The following CLEC16A variants were observed in gnomAD, a reference collection of about 807,000 sequenced individuals.
The protein encoded by CLEC16A is protein CLEC16A.
CLEC16A carries 51 observed loss-of-function variants against 109.5 expected under a neutral mutation model. The observed-to-expected ratio is 0.47, with a 90% CI of 0.37 to 0.59. The LOEUF is 0.59. Among genes scored for constraint, CLEC16A ranks in the 20% least tolerant of loss-of-function variants. The pLI is 0.00. For synonymous variants in CLEC16A, 673 were observed against 564.2 expected, an observed-to-expected ratio of 1.19 and a Z score of -2.73; for missense variants, 1,339 against 1,394.0, an observed-to-expected ratio of 0.96 and a Z score of 0.63.
intron 19 of CLEC16A, among the ~76,000 whole-genome samples, chr16:11,089,054 A>G (rs2050164447): frequency 6.6e-6 from 1 of 151,876 alleles, no homozygotes; most frequent in Admixed American, 6.6e-5. Context: ...GGGGAGGGGG[A>G]GGGTGTCCTT....
rs762674209 is a variant in CLEC16A at position 11,020,248 on chromosome 16, C to T, written c.1359C>T (p.Thr453=). The T allele has an allele frequency of 2.5e-6, 4 of 1,613,704 alleles. No individual in the cohort carries two copies. The highest frequency in any genetic ancestry group is 1.7e-5 in the Admixed American group (1 of 59,992). The change falls in exon 12 of 24, where the codon ACC becomes ACT. Residue 453 remains threonine, a synonymous_variant. Transcript: ENST00000409790. ...AGCTCTCAGAGCTGGCCGCCAGCACCTCCGTGCAGGAGCAGAACACCACGG... is the reference window on the plus strand; with the variant it reads ...AGCTCTCAGAGCTGGCCGCCAGCACTTCCGTGCAGGAGCAGAACACCACGG... The part of the protein sequence containing the change: ...RSKLSELAAS[T]SVQEQNTTDE...
intron 23 of CLEC16A, among the ~76,000 whole-genome samples, chr16:11,176,785 T>C (rs1308793630): frequency 6.6e-6 from 1 of 152,194 alleles, no homozygotes; most frequent in Non-Finnish European, 1.5e-5. Flanking sequence ...AGAGTTCATC[T>C]TGCCCAGAGT....
At chr16:11,021,945 G>T (rs531525580) in intron 12 of CLEC16A, among the ~76,000 whole-genome samples, 1 of 152,054 alleles carries the variant, frequency 6.6e-6, no homozygotes, top group Non-Finnish European at 1.5e-5. Context: ...TATTTCTCCC[G>T]CCACCAAAAA....
At chr16:11,105,378 C>G (rs1384323073) in intron 19 of CLEC16A, among the ~76,000 whole-genome samples, 2 of 152,218 alleles carry the variant, frequency 1.3e-5, no homozygotes, top group East Asian at 1.9e-4. Context: ...TTGCAAGTTG[C>G]TCATCCTTAA....
chr16:11,070,945 T>C (rs2049038540), intron 19 of CLEC16A: 1 of 152,266 alleles, frequency 6.6e-6, no homozygotes, highest in Non-Finnish European at 1.5e-5. Flanking sequence ...GCCCTGTTTG[T>C]TTATTCTTCA....
At position 11,181,260 on chromosome 16, in the gene CLEC16A, G is replaced by GCCAGT. The variant is rs2068948495; in HGVS notation, c.*2575_*2579dup. On this transcript the variant is annotated 3_prime_UTR_variant, in exon 24 of 24. Coordinates refer to ENST00000409790, the MANE Select transcript of CLEC16A (RefSeq NM_015226.3). ...TCATAGCTGGGGCGCTCCCAGACAG[G>GCCAGT]CCAGTCCAGACAGGACACGCTGGGC... is the stretch of plus-strand genomic sequence containing the variant. 6.6e-6 allele frequency: 1 copy of GCCAGT among 152,132 alleles called. No homozygotes were observed. Among genetic ancestry groups the GCCAGT allele is most frequent in the Admixed American group, 6.5e-5 (1 of 15,288 alleles). 9.4% of individuals were successfully genotyped at this position (152,132 alleles called of 1,614,324 possible).
At position 10,944,636 on chromosome 16, in the gene CLEC16A, T is replaced by C; in HGVS notation, c.-82T>C. ...CCGCCTCCGCCGCCGCATCCTCCGC[T>C]TGTGCTACCGCCGCGGGCGCTGGGC... On this transcript the variant is annotated 5_prime_UTR_variant, in exon 1 of 24. Coordinates refer to ENST00000409790, the MANE Select transcript of CLEC16A (RefSeq NM_015226.3). 7.4e-7 allele frequency: 1 copy of C among 1,359,490 alleles called. No homozygotes were observed. The highest frequency in any genetic ancestry group is 1.3e-5 in the South Asian group (1 of 77,660). The allele number at this position is 1,359,490 out of a possible 1,614,324, so 84.2% of individuals were successfully genotyped here.
rs1185713570 is a variant in CLEC16A at position 11,136,035 on chromosome 16, T to C, written c.2641+9889T>C. 3 of 152,296 alleles carry C rather than the reference T, an allele frequency of 2.0e-5. No homozygotes were observed. The East Asian group carries it at 5.8e-4, about 29-fold the overall frequency. 9.4% of individuals were successfully genotyped at this position (152,296 alleles called of 1,614,324 possible). A position where few individuals can be genotyped will look rare whatever the true frequency, so the allele number is the denominator to read the frequency against. On this transcript the variant is annotated intron_variant, in intron 22 of 23. Coordinates refer to ENST00000409790, the MANE Select transcript of CLEC16A (RefSeq NM_015226.3). Reference sequence around the variant, plus strand: ...CCAGCATCCTTTTTTTCATTGTTTTTCCTGTTCATTCACAATGGGGTTTCT... The same window carrying C: ...CCAGCATCCTTTTTTTCATTGTTTTCCCTGTTCATTCACAATGGGGTTTCT...
chr16:11,146,121 A>G (rs12917893), intron 22 of CLEC16A, among the ~76,000 whole-genome samples: 1 of 151,882 alleles, frequency 6.6e-6, no homozygotes, highest in African/African-American at 2.4e-5. Flanking sequence ...CCTTCAGATC[A>G]TTCTTCAGAC....
At chr16:11,172,043 C>T (rs1033140012) in intron 23 of CLEC16A, among the ~76,000 whole-genome samples, 26 of 151,756 alleles carry the variant, frequency 1.7e-4, no homozygotes, top group African/African-American at 6.0e-4. Context: ...TAGTCACACT[C>T]CCACACACAT....
At chr16:11,066,525 T>C (rs2048767976) in intron 19 of CLEC16A, 1 of 152,424 alleles carries the variant, frequency 6.6e-6, no homozygotes, top group African/African-American at 2.4e-5. Flanking sequence ...TCAGCCAGGA[T>C]GTCCGGTGGG....
At chr16:11,158,519 TCTAA>T (rs1449455989) in intron 22 of CLEC16A, among the ~76,000 whole-genome samples, 2 of 152,166 alleles carry the variant, frequency 1.3e-5, no homozygotes, top group Non-Finnish European at 1.5e-5. Context: ...TTGACACACC[TCTAA>T]CTGAGATTTA....
intron 23 of CLEC16A, among the ~76,000 whole-genome samples, chr16:11,176,399 A>ATCTC (rs147056708): frequency 6.0e-5 from 9 of 150,444 alleles, no homozygotes; most frequent in South Asian, 2.1e-4. Flanking sequence ...TTTCCTCTAG[A>ATCTC]TCTCTCTCTC....
At chr16:11,136,235 G>A (rs2053553456) in intron 22 of CLEC16A, 1 of 152,234 alleles carries the variant, frequency 6.6e-6, no homozygotes. Flanking sequence ...ATAAGAAACA[G>A]GGATGATGCT....
In CLEC16A at chr16:10,944,817, C is replaced by T. The variant is rs767385353; in HGVS notation, c.80+20C>T. The T allele has an allele frequency of 3.7e-5, 58 of 1,578,414 alleles. 2 individuals are homozygous for T. The African/African-American group carries it at 5.4e-4, about 15-fold the overall frequency. ...CCTCAAGTGAGTGTGGGGGGCGTAG[C>T]GGGAGGCCTCGGGGCTGGACAGGGG... On this transcript the variant is annotated intron_variant, in intron 1 of 23. Transcript: ENST00000409790.
At chr16:11,118,984 C>G (rs754349431) in intron 19 of CLEC16A, among the ~76,000 whole-genome samples, 3 of 152,090 alleles carry the variant, frequency 2.0e-5, no homozygotes, top group Non-Finnish European at 4.4e-5. Flanking sequence ...CTATTCTGTT[C>G]TGTTGGTCCA....
chr16:11,044,362 A>C (rs1186628315), intron 16 of CLEC16A: 1 of 282,664 alleles, frequency 3.5e-6, no homozygotes, highest in Non-Finnish European at 6.5e-6. Flanking sequence ...GTAAATTATG[A>C]ACTACGTACG....
intron 13 of CLEC16A, among the ~76,000 whole-genome samples, chr16:11,032,607 A>G (rs1232481865): frequency 6.6e-6 from 1 of 152,174 alleles, no homozygotes; most frequent in Non-Finnish European, 1.5e-5. Context: ...GAGGAAGCCT[A>G]GTGGTTGTGC....
At chr16:11,106,633 T>C in intron 19 of CLEC16A, among the ~76,000 whole-genome samples, 1 of 151,924 alleles carries the variant, frequency 6.6e-6, no homozygotes, top group East Asian at 1.9e-4. Context: ...TATAGTTGCA[T>C]GCCACCACAC....
Sources: allele counts gnomAD v4.1 joint callset (sites outside exome capture counted in the v4.1 genomes callset), GRCh38; gene constraint gnomAD v4.1.1; transcripts MANE v1.5; gene names NCBI Gene and HGNC (gene_info 2026-07-23, HGNC 2026-07-21).